Variants in XKR9 observed in about 807,000 individuals in gnomAD.
The protein encoded by XKR9 is XK-related protein 9.
XKR9 carries 32 observed loss-of-function variants against 32.0 expected under a neutral mutation model. The observed-to-expected ratio is 1.00, with a 90% CI of 0.76 to 1.34. XKR9 has a LOEUF of 1.34. Ranked by LOEUF, XKR9 falls within the 40% of genes most tolerant of loss-of-function variation. The probability of loss-of-function intolerance (pLI) is 0.00; values close to 1 mark genes in which losing one functional copy is unlikely to be tolerated. For missense variants in XKR9, 546 were observed against 429.7 expected, an observed-to-expected ratio of 1.27 and a Z score of -2.39; for synonymous variants, 168 against 143.4, an observed-to-expected ratio of 1.17 and a Z score of -1.22.
chr8:70,916,430 CT>C, the XKR9 span, among the ~76,000 whole-genome samples: 1 of 152,188 alleles, frequency 6.6e-6, no homozygotes, highest in Admixed American at 6.5e-5. Flanking sequence ...GTATATGGAT[CT>C]GTTTCTCTCT....
At chr8:70,827,810 T>C in the XKR9 span, among the ~76,000 whole-genome samples, 1 of 152,214 alleles carries the variant, frequency 6.6e-6, no homozygotes, top group African/African-American at 2.4e-5. Context: ...GAAAATATAC[T>C]AAGAAAGAAA....
chr8:70,729,821 A>T (rs1033489514), intron 4 of XKR9, among the ~76,000 whole-genome samples: 7 of 152,174 alleles, frequency 4.6e-5, no homozygotes, highest in African/African-American at 1.4e-4. Flanking sequence ...AAAGAAAGCC[A>T]AACAGCATTT....
the XKR9 span, among the ~76,000 whole-genome samples, chr8:70,917,562 G>A: frequency 8.6e-3 from 1,303 of 152,174 alleles, 10 homozygotes; most frequent in Non-Finnish European, 0.015. Context: ...GGGCTTATCA[G>A]GATGTAACCC....
chr8:70,810,628 G>A, the XKR9 span, among the ~76,000 whole-genome samples: 5 of 152,116 alleles, frequency 3.3e-5, no homozygotes, highest in Admixed American at 1.3e-4. Context: ...AAAAAAGGCA[G>A]GGGTTGTAAT....
chr8:70,722,851 G>T (rs1285609480), intron 4 of XKR9, among the ~76,000 whole-genome samples: 1 of 151,990 alleles, frequency 6.6e-6, no homozygotes, highest in Non-Finnish European at 1.5e-5. Context: ...TGTCTTGCTA[G>T]GTTGGGGAAG....
the XKR9 span, among the ~76,000 whole-genome samples, chr8:70,885,342 T>C: frequency 6.6e-6 from 1 of 152,206 alleles, no homozygotes; most frequent in African/African-American, 2.4e-5. Flanking sequence ...TGATTGATTT[T>C]CTGTTGATTA....
chr8:70,764,669 G>T (rs1807351430), intron 2 of XKR9, among the ~76,000 whole-genome samples: 1 of 152,048 alleles, frequency 6.6e-6, no homozygotes. Context: ...GTATACATGT[G>T]CCATGGTGGT....
intron 2 of XKR9, among the ~76,000 whole-genome samples, chr8:70,761,359 G>A (rs1266222975): frequency 6.6e-6 from 1 of 152,022 alleles, no homozygotes; most frequent in Non-Finnish European, 1.5e-5. Context: ...TTTCACCACA[G>A]CCTCACCAGC....
intron 1 of XKR9, among the ~76,000 whole-genome samples, chr8:70,670,284 T>A (rs1818668076): frequency 6.6e-6 from 1 of 152,190 alleles, no homozygotes; most frequent in Non-Finnish European, 1.5e-5. Flanking sequence ...GGAGCCGTTT[T>A]GTGCCCAAGA....
the XKR9 span, among the ~76,000 whole-genome samples, chr8:70,969,788 G>A: frequency 6.6e-6 from 1 of 152,100 alleles, no homozygotes; most frequent in Admixed American, 6.6e-5. Context: ...GAGGGAACAG[G>A]TGATGTTTGG....
At chr8:70,998,017 G>A in the XKR9 span, among the ~76,000 whole-genome samples, 1 of 152,040 alleles carries the variant, frequency 6.6e-6, no homozygotes, top group African/African-American at 2.4e-5. Flanking sequence ...CCTGTGAAGA[G>A]CCAACGTGAT....
intron 2 of XKR9, among the ~76,000 whole-genome samples, chr8:70,781,518 T>G (rs922090683): frequency 4.6e-5 from 7 of 151,702 alleles, no homozygotes; most frequent in African/African-American, 1.7e-4. Context: ...ACTCAAACAT[T>G]TATTATTTTT....
chr8:71,005,943 A>C, the XKR9 span, among the ~76,000 whole-genome samples: 1 of 152,226 alleles, frequency 6.6e-6, no homozygotes, highest in Non-Finnish European at 1.5e-5. Context: ...AATGTTGTTC[A>C]TAAGAGGGAC....
the XKR9 span, among the ~76,000 whole-genome samples, chr8:70,924,076 G>A: frequency 2.0e-5 from 3 of 152,036 alleles, no homozygotes; most frequent in South Asian, 2.1e-4. Context: ...GCTAATTCCC[G>A]GGGATCAATG....
chr8:71,050,167 G>T, the XKR9 span, among the ~76,000 whole-genome samples: 1 of 148,984 alleles, frequency 6.7e-6, no homozygotes, highest in East Asian at 2.0e-4. Context: ...AGAAGTAATA[G>T]TTTCTATGTC....
At chr8:70,863,068 GAA>G in the XKR9 span, among the ~76,000 whole-genome samples, 1 of 152,158 alleles carries the variant, frequency 6.6e-6, no homozygotes, top group Non-Finnish European at 1.5e-5. Context: ...GGAGTTTGGT[GAA>G]AAGATGATGA....
At position 70,730,387 on chromosome 8, in the gene XKR9, T is replaced by G. The variant is rs77957773; in HGVS notation, c.494-3409T>G. ...ACCTTTTTAGAACCCTTTACAGTTTTCTCCATAGAGCTCTTTTTTTCTAAA... is the reference window on the plus strand; with the variant it reads ...ACCTTTTTAGAACCCTTTACAGTTTGCTCCATAGAGCTCTTTTTTTCTAAA... On this transcript the variant is annotated intron_variant, in intron 4 of 4. Coordinates refer to ENST00000408926, the MANE Select transcript of XKR9 (RefSeq NM_001011720.2). Among the ~76,000 whole-genome samples, 1,367 of 152,252 alleles carry G rather than the reference T, an allele frequency of 9.0e-3. 20 individuals are homozygous for G. Among genetic ancestry groups the G allele is most frequent in the Middle Eastern group, 0.01 (3 of 294 alleles).
At chr8:70,835,578 C>CT in the XKR9 span, among the ~76,000 whole-genome samples, 1 of 151,922 alleles carries the variant, frequency 6.6e-6, no homozygotes, top group Non-Finnish European at 1.5e-5. Context: ...ATAGTCAATC[C>CT]TTTTTTTGGA....
the XKR9 span, among the ~76,000 whole-genome samples, chr8:70,868,109 T>C: frequency 2.0e-5 from 3 of 152,116 alleles, no homozygotes; most frequent in Non-Finnish European, 4.4e-5. Context: ...CTTTGCAGGG[T>C]ATAGCTTCTC....
Sources: allele counts gnomAD v4.1 joint callset (sites outside exome capture counted in the v4.1 genomes callset), GRCh38; gene constraint gnomAD v4.1.1; transcripts MANE v1.5; gene names NCBI Gene and HGNC (gene_info 2026-07-23, HGNC 2026-07-21).